The following SPATS2L variants were observed in gnomAD, a reference collection of about 807,000 sequenced individuals.
SPATS2L encodes the protein SPATS2-like protein.
SPATS2L carries 30 observed loss-of-function variants against 59.6 expected under a neutral mutation model. The observed-to-expected ratio is 0.50, with a 90% CI of 0.38 to 0.68. The LOEUF is 0.68. Ranked by LOEUF, SPATS2L falls within the 30% of genes least tolerant of loss-of-function variation. The pLI is 0.00. For synonymous variants in SPATS2L, 252 were observed against 263.5 expected, an observed-to-expected ratio of 0.96 and a Z score of 0.42; for missense variants, 615 against 700.0, an observed-to-expected ratio of 0.88 and a Z score of 1.37.
chr2:200,358,808 T>A (rs2081002474), intron 2 of SPATS2L, among the ~76,000 whole-genome samples: 2 of 152,034 alleles, frequency 1.3e-5, no homozygotes, highest in Admixed American at 6.6e-5. Context: ...CATAGTGAGA[T>A]CCCATCTCTA....
chr2:200,412,501 A>C, intron 4 of SPATS2L, 82 bp downstream of exon 4: 1 of 724,522 alleles, frequency 1.4e-6, no homozygotes, highest in Non-Finnish European at 2.2e-6. Context: ...AAATGAACTG[A>C]ATATCAATTC....
chr2:200,473,083 G>GAAAAAA, intron 12 of SPATS2L, 31 bp downstream of exon 12: 1 of 1,233,028 alleles, frequency 8.1e-7, no homozygotes, highest in Non-Finnish European at 1.1e-6. Context: ...GGTGCCAGAG[G>GAAAAAA]AAAAAAAAAA....
At chr2:200,461,810 A>G (rs889858027) in intron 9 of SPATS2L, among the ~76,000 whole-genome samples, 1 of 152,170 alleles carries the variant, frequency 6.6e-6, no homozygotes, top group Admixed American at 6.5e-5. Context: ...GTGTCATTTT[A>G]TGGAAAATAG....
At chr2:200,353,121 C>G (rs2080797450) in intron 2 of SPATS2L, among the ~76,000 whole-genome samples, 1 of 152,076 alleles carries the variant, frequency 6.6e-6, no homozygotes, top group Admixed American at 6.6e-5. Flanking sequence ...GATCAAAACA[C>G]AGAAAAATTT....
intron 2 of SPATS2L, among the ~76,000 whole-genome samples, chr2:200,369,526 G>T (rs947826890): frequency 1.6e-4 from 24 of 152,130 alleles, no homozygotes; most frequent in Admixed American, 6.6e-4. Context: ...ATCAAAGAGA[G>T]AGACAGAATC....
chr2:200,335,317 G>T (rs1359760199), intron 2 of SPATS2L, among the ~76,000 whole-genome samples: 1 of 151,882 alleles, frequency 6.6e-6, no homozygotes, highest in South Asian at 2.1e-4. Context: ...GGCAGAGCTT[G>T]CAGTGAGCCG....
chr2:200,401,769 G>A (rs2082536321), intron 3 of SPATS2L, among the ~76,000 whole-genome samples: 1 of 152,156 alleles, frequency 6.6e-6, no homozygotes, highest in Admixed American at 6.5e-5. Flanking sequence ...GTTTAGCTAT[G>A]TTTTGAAAAT....
intron 8 of SPATS2L, among the ~76,000 whole-genome samples, chr2:200,448,154 A>G (rs2085179113): frequency 6.6e-6 from 1 of 152,172 alleles, no homozygotes; most frequent in African/African-American, 2.4e-5. Flanking sequence ...TCAAAAACAA[A>G]CAAACGGGTG....
rs1469445632 is a variant in SPATS2L, at chr2:200,431,675, TTATAAG to T, written c.446-7442_446-7437del. Reference sequence around the variant, plus strand: ...GATTTGAATTCTTTCTTCAGTCTACTTATAAGTATATCAAGCTTTCACTAAAAAGTA... The same window carrying T: ...GATTTGAATTCTTTCTTCAGTCTACTTATATCAAGCTTTCACTAAAAAGTA... On this transcript the variant is annotated intron_variant, in intron 6 of 12. Transcript: ENST00000409140. 1.7e-4 allele frequency among the ~76,000 whole-genome samples: 26 copies of T among 152,360 alleles called. No individual in the cohort carries two copies. In the South Asian group the frequency reaches 2.5e-3, roughly 15 times the overall value.
intron 6 of SPATS2L, among the ~76,000 whole-genome samples, chr2:200,430,523 AT>A (rs555181471): frequency 4.6e-5 from 7 of 151,870 alleles, no homozygotes; most frequent in Non-Finnish European, 5.9e-5. Context: ...AGATATGTAG[AT>A]TTTTTTTAAA....
intron 1 of SPATS2L, among the ~76,000 whole-genome samples, chr2:200,307,125 A>T (rs1159319741): frequency 1.3e-5 from 2 of 150,550 alleles, no homozygotes; most frequent in Non-Finnish European, 3.0e-5. Flanking sequence ...ACCGGACGCG[A>T]AGGTCGCCGT....
At position 200,352,311 on chromosome 2, in the gene SPATS2L, TTTTATATATATATATATATATATA is replaced by T. The variant is rs1223264343; in HGVS notation, c.-23+22833_-23+22856del. Among the ~76,000 whole-genome samples the T allele has an allele frequency of 1.4e-3, 168 of 121,976 alleles. 10 individuals are homozygous for T. Among genetic ancestry groups the T allele is most frequent in the African/African-American group, 6.2e-3 (135 of 21,616 alleles). The allele number at this position is 121,976 out of a possible 152,430, so 80.0% of individuals were successfully genotyped here. On this transcript the variant is annotated intron_variant, in intron 2 of 12. Transcript: ENST00000409140. Reference sequence around the variant, plus strand: ...GTTTTGAGGCTATATAACCAGCAGTTTTTATATATATATATATATATATATATATATATATATATATATATATAT... The same window carrying T: ...GTTTTGAGGCTATATAACCAGCAGTTTATATATATATATATATATATATAT...
chr2:200,344,850 T>C (rs1035153719), intron 2 of SPATS2L, among the ~76,000 whole-genome samples: 3 of 152,232 alleles, frequency 2.0e-5, no homozygotes, highest in African/African-American at 7.2e-5. Flanking sequence ...ATATGCTTTT[T>C]GTGGGCATGT....
chr2:200,306,237 G>A (rs2079007286), upstream of SPATS2L: 1 of 1,002,356 alleles, frequency 1.0e-6, no homozygotes, highest in African/African-American at 1.7e-5. Flanking sequence ...CCTTCTAAAA[G>A]GAAAAACATC....
rs567657928 is a variant in SPATS2L at position 200,368,008 on chromosome 2, C to A, written c.-22-21215C>A. Among the ~76,000 whole-genome samples the A allele has an allele frequency of 2.0e-5, 3 of 152,248 alleles. No individual in the cohort carries two copies. The East Asian group carries it at 5.8e-4, about 29-fold the overall frequency. ...TTTTCATTATAAAAAGGTTGAGAAA[C>A]CTGGTTTTAACTAATCTGCCCTAAG... is the stretch of plus-strand genomic sequence containing the variant. On this transcript the variant is annotated intron_variant, in intron 2 of 12. Transcript: ENST00000409140.
chr2:200,430,691 A>ACT (rs1036297111), intron 6 of SPATS2L, among the ~76,000 whole-genome samples: 2 of 149,060 alleles, frequency 1.3e-5, no homozygotes, highest in Non-Finnish European at 3.0e-5. Flanking sequence ...TTGTTCCCAA[A>ACT]CTGTTGTCCG....
chr2:200,428,267 C>T (rs555891247), intron 6 of SPATS2L, among the ~76,000 whole-genome samples: 1 of 152,310 alleles, frequency 6.6e-6, no homozygotes, highest in South Asian at 2.1e-4. Context: ...TAGCAATGGC[C>T]TCCATATTAT....
At chr2:200,410,673 T>G (rs572678140) in intron 3 of SPATS2L, among the ~76,000 whole-genome samples, 12 of 151,458 alleles carry the variant, frequency 7.9e-5, no homozygotes, top group African/African-American at 2.9e-4. Context: ...TTCTCACTCA[T>G]CCTCCATCCA....
intron 1 of SPATS2L, among the ~76,000 whole-genome samples, chr2:200,321,723 A>G (rs1295402170): frequency 6.6e-6 from 1 of 152,220 alleles, no homozygotes; most frequent in African/African-American, 2.4e-5. Flanking sequence ...TACTAATCGC[A>G]TTTTATGGAG....
Sources: allele counts gnomAD v4.1 joint callset (sites outside exome capture counted in the v4.1 genomes callset), GRCh38; gene constraint gnomAD v4.1.1; transcripts MANE v1.5; gene names NCBI Gene and HGNC (gene_info 2026-07-23, HGNC 2026-07-21).